The following CNTNAP5 variants were observed in gnomAD, a reference collection of about 807,000 sequenced individuals.
CNTNAP5 encodes the protein contactin associated protein family member 5.
CNTNAP5 carries 72 observed loss-of-function variants against 150.2 expected under a neutral mutation model. The ratio of observed to expected loss-of-function variants is 0.48; its 90% CI spans 0.40 to 0.58. The LOEUF (loss-of-function observed/expected upper bound fraction) is 0.58. CNTNAP5 is among the 20% of genes least tolerant of loss of function. CNTNAP5 has a pLI of 0.00. For missense variants in CNTNAP5, 1,636 were observed against 1,626.2 expected (o/e 1.01, Z -0.10); for synonymous variants, 672 against 619.8 (o/e 1.08, Z -1.25).
chr2:124,518,219 A>G (rs139653461), intron 8 of CNTNAP5, among the ~76,000 whole-genome samples: 381 of 152,294 alleles, frequency 2.5e-3, no homozygotes, highest in African/African-American at 8.9e-3. Flanking sequence ...AGTGTGAGCT[A>G]TAAAGGGCTG....
At chr2:124,199,281 C>G (rs1032696203) in intron 1 of CNTNAP5, among the ~76,000 whole-genome samples, 4 of 151,980 alleles carry the variant, frequency 2.6e-5, no homozygotes, top group African/African-American at 9.7e-5. Context: ...TAGGGAACAT[C>G]ACAATTGCAA....
At chr2:124,104,399 T>C (rs900837481) in intron 1 of CNTNAP5, among the ~76,000 whole-genome samples, 2 of 152,192 alleles carry the variant, frequency 1.3e-5, no homozygotes, top group East Asian at 3.9e-4. Flanking sequence ...CTCTTGAACA[T>C]GTAGACACAC....
intron 3 of CNTNAP5, among the ~76,000 whole-genome samples, chr2:124,313,353 ATC>A (rs1197474617): frequency 6.6e-6 from 1 of 152,146 alleles, no homozygotes; most frequent in African/African-American, 2.4e-5. Flanking sequence ...AACTTCTAGA[ATC>A]TCTGTTACTG....
intron 3 of CNTNAP5, among the ~76,000 whole-genome samples, chr2:124,265,251 G>A (rs1028361352): frequency 1.3e-5 from 2 of 152,150 alleles, no homozygotes; most frequent in African/African-American, 4.8e-5. Context: ...AGCGAGAACT[G>A]TATCTTTTCC....
intron 3 of CNTNAP5, among the ~76,000 whole-genome samples, chr2:124,401,353 C>T (rs773105413): frequency 6.6e-6 from 1 of 152,174 alleles, no homozygotes; most frequent in African/African-American, 2.4e-5. Flanking sequence ...CAGTGGGCAA[C>T]AAAGGCATGT....
At position 124,873,032 on chromosome 2, in the gene CNTNAP5, A is replaced by T. The variant is rs76714459; in HGVS notation, c.3436+3270A>T. Among the ~76,000 whole-genome samples, 1,085 of 152,202 alleles carry T rather than the reference A, an allele frequency of 7.1e-3. 13 individuals are homozygous for T. Among genetic ancestry groups the T allele is most frequent in the African/African-American group, 0.025 (1,036 of 41,528 alleles). The stretch of plus-strand genomic sequence containing the variant: ...ATTTTGGCATTGCCATAAATACTTG[A>T]GACTGGGTAATTTATAAAGAAAAAA... On this transcript the variant is annotated intron_variant, in intron 21 of 23. Coordinates refer to ENST00000682447, the MANE Select transcript of CNTNAP5 (RefSeq NM_001367498.1).
intron 19 of CNTNAP5, among the ~76,000 whole-genome samples, chr2:124,847,692 A>T (rs1683078028): frequency 6.6e-6 from 1 of 152,124 alleles, no homozygotes; most frequent in Non-Finnish European, 1.5e-5. Flanking sequence ...TTACGACGTG[A>T]GTCTCCACAC....
At chr2:124,888,749 G>A (rs1222219447) in intron 21 of CNTNAP5, among the ~76,000 whole-genome samples, 2 of 152,010 alleles carry the variant, frequency 1.3e-5, no homozygotes, top group Non-Finnish European at 2.9e-5. Flanking sequence ...CTTCTTTTAA[G>A]AAATGTCTGA....
rs550040953 is a variant in CNTNAP5 at position 124,524,102 on chromosome 2, T to A, written c.1328-201T>A. Among the ~76,000 whole-genome samples, 11 of 152,306 alleles carry A rather than the reference T, an allele frequency of 7.2e-5. No homozygotes were observed. The East Asian group carries it at 2.1e-3, about 29-fold the overall frequency. ...TCAGAAGTAGTTCAGCCGTCTTTTT[T>A]AAAAAAGAGATTAGAATGAAGTGGC... On this transcript the variant is annotated intron_variant, in intron 8 of 23. Transcript: ENST00000682447.
chr2:124,736,572 G>T (rs1403546124), intron 13 of CNTNAP5, among the ~76,000 whole-genome samples: 2 of 152,116 alleles, frequency 1.3e-5, no homozygotes, highest in Non-Finnish European at 2.9e-5. Flanking sequence ...CTGTATGGTG[G>T]TCTCATTCTA....
At chr2:124,647,616 C>A (rs1223003530) in intron 12 of CNTNAP5, 142 bp from the exon 13 acceptor site, 1 of 678,310 alleles carries the variant, frequency 1.5e-6, no homozygotes, top group African/African-American at 1.8e-5. Context: ...CATGGGGAAA[C>A]ACAATTTCTC....
intron 1 of CNTNAP5, among the ~76,000 whole-genome samples, chr2:124,189,872 A>T (rs1176140770): frequency 2.0e-5 from 3 of 152,210 alleles, no homozygotes; most frequent in African/African-American, 7.2e-5. Context: ...CTCTTAGCAC[A>T]TCAACCCCTC....
intron 1 of CNTNAP5, among the ~76,000 whole-genome samples, chr2:124,161,418 G>A (rs529852360): frequency 9.2e-5 from 14 of 152,246 alleles, no homozygotes; most frequent in Non-Finnish European, 1.6e-4. Context: ...AGGAAACAGA[G>A]AGAAGAGAAG....
intron 10 of CNTNAP5, among the ~76,000 whole-genome samples, chr2:124,550,170 C>T (rs1167395206): frequency 6.6e-6 from 1 of 152,128 alleles, no homozygotes; most frequent in Non-Finnish European, 1.5e-5. Context: ...ACCATTTTAA[C>T]ATAAAACTTA....
chr2:124,449,594 G>C (rs561757639), intron 6 of CNTNAP5, among the ~76,000 whole-genome samples: 1 of 152,220 alleles, frequency 6.6e-6, no homozygotes, highest in East Asian at 1.9e-4. Context: ...TCAGCATTTA[G>C]GGAAATGAAA....
At chr2:124,549,701 G>A (rs534581268) in intron 10 of CNTNAP5, among the ~76,000 whole-genome samples, 21 of 152,182 alleles carry the variant, frequency 1.4e-4, no homozygotes, top group East Asian at 3.9e-4. Flanking sequence ...ATCTAGAAGC[G>A]TTCAAAAGTA....
Position 124,918,633 on chromosome 2 carries a change from T to C in CNTNAP5, c.*4345T>C, listed in dbSNP as rs1169392152. 6.6e-6 allele frequency among the ~76,000 whole-genome samples: 1 copy of C among 152,068 alleles called. No homozygotes were observed. Among genetic ancestry groups the C allele is most frequent in the Non-Finnish European group, 1.5e-5 (1 of 67,970 alleles). On this transcript the variant is annotated 3_prime_UTR_variant, in exon 24 of 24. Coordinates refer to ENST00000682447, the MANE Select transcript of CNTNAP5 (RefSeq NM_001367498.1). ...GTTCACCAACTGCCCTAGCTTCCTT[T>C]AAGCTTCCCCATAGCTACCATCCAT...
intron 7 of CNTNAP5, among the ~76,000 whole-genome samples, chr2:124,485,631 A>AAAAAAAAAAAAAAAAAAAAAAAAAAG (rs1457112306): frequency 7.5e-6 from 1 of 134,202 alleles, no homozygotes; most frequent in African/African-American, 3.1e-5. Context: ...AAAAAAAAAA[A>AAAAAAAAAAAAAAAAAAAAAAAAAAG]AAAGAAGAAG....
At chr2:124,491,347 T>G (rs952345907) in intron 7 of CNTNAP5, among the ~76,000 whole-genome samples, 7 of 152,138 alleles carry the variant, frequency 4.6e-5, no homozygotes, top group African/African-American at 1.7e-4. Flanking sequence ...TCCTGATTTA[T>G]TCATGTTGCC....
Sources: gnomAD v4.1 joint callset for allele counts (sites outside exome capture counted in the v4.1 genomes callset) on GRCh38, gnomAD v4.1.1 for gene constraint, MANE v1.5 for transcripts, NCBI Gene and HGNC (gene_info 2026-07-23, HGNC 2026-07-21) for gene names.